Variants in VKORC1L1 observed in about 807,000 individuals in gnomAD.
The protein encoded by VKORC1L1 is vitamin K epoxide reductase complex subunit 1-like protein 1.
A neutral mutation model predicts 18.9 loss-of-function variants in VKORC1L1; 2 were observed. The observed-to-expected ratio is 0.11, with a 90% confidence interval of 0.04 to 0.33. VKORC1L1 has a LOEUF of 0.33. Among genes scored for constraint, VKORC1L1 ranks in the 10% least tolerant of loss-of-function variants. The pLI is 1.00. For synonymous variants in VKORC1L1, 96 were observed against 100.0 expected, an observed-to-expected ratio of 0.96 and a Z score of 0.24; for missense variants, 123 against 224.1, an observed-to-expected ratio of 0.55 and a Z score of 2.88.
At chr7:65,869,299 G>T (rs1226773771), upstream of VKORC1L1, among the ~76,000 whole-genome samples, 3 of 151,564 alleles carry the variant, frequency 2.0e-5, no homozygotes, top group Non-Finnish European at 4.4e-5. Flanking sequence ...GCGTGACAGA[G>T]CTAAAAAAAA....
At chr7:65,907,997 A>C (rs79142610) in intron 1 of VKORC1L1, among the ~76,000 whole-genome samples, 5,728 of 152,294 alleles carry the variant, frequency 0.038, 169 homozygotes, top group East Asian at 0.097. Context: ...ACAAGCAAGC[A>C]GTGTGTCAGA....
At chr7:65,918,875 A>G (rs1443046253) in intron 1 of VKORC1L1, among the ~76,000 whole-genome samples, 1 of 152,126 alleles carries the variant, frequency 6.6e-6, no homozygotes, top group Admixed American at 6.5e-5. Context: ...CAGGCAGATC[A>G]CTTGAGGCCA....
chr7:65,946,604 C>T (rs1790122942), intron 1 of VKORC1L1, among the ~76,000 whole-genome samples: 1 of 152,140 alleles, frequency 6.6e-6, no homozygotes, highest in South Asian at 2.1e-4. Flanking sequence ...TTCTAATTTT[C>T]CTGTGTATCT....
At position 65,938,436 on chromosome 7, in the gene VKORC1L1, G is replaced by C. The variant is rs376493218; in HGVS notation, c.195-10235G>C. ...AAGAAAATTAGAGGGCCAACATTTG[G>C]CTAAGAAATGTATGAAAATTTCCTA... On this transcript the variant is annotated intron_variant, in intron 1 of 2. Transcript: ENST00000360768. 7.0e-4 allele frequency among the ~76,000 whole-genome samples: 106 copies of C among 152,252 alleles called. 1 individual carries two copies. Among genetic ancestry groups the C allele is most frequent in the African/African-American group, 2.5e-3 (103 of 41,542 alleles).
intron 2 of VKORC1L1, among the ~76,000 whole-genome samples, chr7:65,949,899 C>T (rs1790185143): frequency 6.6e-6 from 1 of 152,050 alleles, no homozygotes; most frequent in South Asian, 2.1e-4. Flanking sequence ...CAGTGATCAA[C>T]TTTGTTTAAA....
chr7:65,885,210 C>G (rs1406882705), intron 1 of VKORC1L1, among the ~76,000 whole-genome samples: 4 of 152,092 alleles, frequency 2.6e-5, no homozygotes, highest in African/African-American at 9.7e-5. Context: ...ATTGCCTGTT[C>G]ATACCTTTGC....
At chr7:65,933,579 TATTTA>T (rs1789893268) in intron 1 of VKORC1L1, among the ~76,000 whole-genome samples, 1 of 152,206 alleles carries the variant, frequency 6.6e-6, no homozygotes, top group Admixed American at 6.5e-5. Context: ...TATGTTATTA[TATTTA>T]AAGTGAGTTT....
chr7:65,873,269 CGGCGGA>C lies in VKORC1L1; in HGVS notation c.-97_-92del. ...GCGGCGGCGGCGGTGGTGGCGGCGG[CGGCGGA>C]GGCGGCGGTGGCGGCGGTGGCGGCT... On this transcript the variant is annotated 5_prime_UTR_variant, in exon 1 of 3. Coordinates refer to ENST00000360768, the MANE Select transcript of VKORC1L1 (RefSeq NM_173517.6). The C allele has an allele frequency of 1.0e-6, 1 of 985,876 alleles. No individual in the cohort carries two copies. The highest frequency in any genetic ancestry group is 1.2e-6 in the Non-Finnish European group (1 of 831,754). 61.1% of individuals were successfully genotyped at this position (985,876 alleles called of 1,614,324 possible).
chr7:65,905,109 T>C (rs1005222723), intron 1 of VKORC1L1, among the ~76,000 whole-genome samples: 5 of 152,114 alleles, frequency 3.3e-5, no homozygotes, highest in African/African-American at 1.2e-4. Flanking sequence ...ACATAAATAA[T>C]GTGCAGTTTT....
intron 1 of VKORC1L1, among the ~76,000 whole-genome samples, chr7:65,903,179 T>C (rs1011091853): frequency 3.3e-5 from 5 of 151,254 alleles, no homozygotes; most frequent in African/African-American, 4.9e-5. Context: ...ATTTTTTTTT[T>C]TTTTTTCAAG....
At chr7:65,869,677 G>T (rs1364043161), upstream of VKORC1L1, among the ~76,000 whole-genome samples, 1 of 140,222 alleles carries the variant, frequency 7.1e-6, no homozygotes, top group African/African-American at 2.7e-5. Flanking sequence ...TAGAGACAGG[G>T]TCTTTCTCTG....
At chr7:65,877,657 A>G (rs1788852194) in intron 1 of VKORC1L1, among the ~76,000 whole-genome samples, 1 of 152,212 alleles carries the variant, frequency 6.6e-6, no homozygotes. Flanking sequence ...TGTAATATGC[A>G]GAATATTCTA....
intron 1 of VKORC1L1, among the ~76,000 whole-genome samples, chr7:65,932,820 C>T (rs181810496): frequency 7.2e-5 from 11 of 152,330 alleles, no homozygotes; most frequent in African/African-American, 2.6e-4. Flanking sequence ...TGGCTCATGC[C>T]TGTAATCCCA....
intron 1 of VKORC1L1, among the ~76,000 whole-genome samples, chr7:65,901,703 G>GCAGAGTACC (rs1789320093): frequency 6.6e-6 from 1 of 152,160 alleles, no homozygotes; most frequent in Non-Finnish European, 1.5e-5. Context: ...CATTCGTGGG[G>GCAGAGTACC]CAGAGTACCA....
At position 65,954,121 on chromosome 7, in the gene VKORC1L1, A is replaced by G. The variant is rs1562659848; in HGVS notation, c.352A>G (p.Ile118Val). 4 of 1,609,092 alleles carry G rather than the reference A, an allele frequency of 2.5e-6. No individual in the cohort carries two copies. The highest frequency in any genetic ancestry group is 3.4e-6 in the Non-Finnish European group (4 of 1,175,768). The change falls in exon 3 of 3, where the codon ATC (isoleucine) becomes GTC (valine). Residue 118 changes from isoleucine (I) to valine (V), a missense_variant. Transcript: ENST00000360768. ...VAALILMTSSIMSVVGSLYLA... is the reference protein window; with the variant it reads ...VAALILMTSSVMSVVGSLYLA... ...GGCTTTGATCCTCATGACGTCCTCCATCATGTCGGTCGTGGGGTCCCTGTA... is the reference window on the plus strand; with the variant it reads ...GGCTTTGATCCTCATGACGTCCTCCGTCATGTCGGTCGTGGGGTCCCTGTA...
intron 1 of VKORC1L1, among the ~76,000 whole-genome samples, chr7:65,878,838 G>A (rs1230787773): frequency 2.0e-5 from 3 of 152,194 alleles, no homozygotes; most frequent in Non-Finnish European, 4.4e-5. Context: ...AACCCGGGAG[G>A]TGGAGGTTGT....
intron 1 of VKORC1L1, among the ~76,000 whole-genome samples, chr7:65,900,451 A>G (rs1789296406): frequency 6.6e-6 from 1 of 151,926 alleles, no homozygotes; most frequent in Non-Finnish European, 1.5e-5. Flanking sequence ...ACAGATCATC[A>G]TTCTTAATAC....
At chr7:65,943,970 A>G (rs1463093319) in intron 1 of VKORC1L1, among the ~76,000 whole-genome samples, 3 of 152,224 alleles carry the variant, frequency 2.0e-5, no homozygotes, top group Admixed American at 6.5e-5. Context: ...CAGTAAATAA[A>G]GGTAATCAGA....
chr7:65,895,542 T>C (rs1425497455), intron 1 of VKORC1L1, among the ~76,000 whole-genome samples: 3 of 119,548 alleles, frequency 2.5e-5, no homozygotes, highest in South Asian at 3.0e-4. Flanking sequence ...CACACACATA[T>C]AATTTGTGAA....
Sources: allele counts gnomAD v4.1 joint callset (sites outside exome capture counted in the v4.1 genomes callset), GRCh38; gene constraint gnomAD v4.1.1; transcripts MANE v1.5; gene names NCBI Gene and HGNC (gene_info 2026-07-23, HGNC 2026-07-21).